Variants in GBP7 observed in about 807,000 individuals in gnomAD.
GBP7 encodes guanylate binding protein 7, also known as guanylate-binding protein 7.
GBP7 carries 43 observed loss-of-function variants against 61.3 expected under a neutral mutation model. The ratio of observed to expected loss-of-function variants is 0.70; its 90% CI spans 0.55 to 0.91. The LOEUF (loss-of-function observed/expected upper bound fraction) is 0.91, where lower values mean the gene tolerates loss of function less well. GBP7 is among the 40% of genes least tolerant of loss of function. The probability of loss-of-function intolerance (pLI) is 0.00; values close to 1 mark genes in which losing one functional copy is unlikely to be tolerated. For missense variants in GBP7, 717 were observed against 740.5 expected (o/e 0.97, Z 0.37); for synonymous variants, 267 against 271.0 (o/e 0.99, Z 0.14).
chr1:89,140,471 G>GA (rs1681912978), intron 9 of GBP7, among the ~76,000 whole-genome samples: 3 of 88,316 alleles, frequency 3.4e-5, no homozygotes, highest in Admixed American at 2.1e-4. Context: ...AAAAAAAAAA[G>GA]AAAAATGCAG....
At chr1:89,150,285 A>G in intron 6 of GBP7, 45 bp downstream of exon 6, 1 of 1,566,972 alleles carries the variant, frequency 6.4e-7, no homozygotes, top group Non-Finnish European at 8.8e-7. Flanking sequence ...AGTTTTTGAG[A>G]TACAGTAGGC....
intron 3 of GBP7, among the ~76,000 whole-genome samples, chr1:89,154,002 G>A (rs1421204788): frequency 6.6e-6 from 1 of 152,196 alleles, no homozygotes; most frequent in South Asian, 2.1e-4. Flanking sequence ...AACTGAATGA[G>A]TGAATAGGTA....
intron 9 of GBP7, among the ~76,000 whole-genome samples, chr1:89,140,399 C>A (rs1681907628): frequency 6.7e-6 from 1 of 149,772 alleles, no homozygotes; most frequent in Non-Finnish European, 1.5e-5. Flanking sequence ...ATGTAACAAA[C>A]CTGCACATTG....
chr1:89,132,503 T>A, intron 10 of GBP7, 100 bp from the exon 11 acceptor site: 1 of 867,536 alleles, frequency 1.2e-6, no homozygotes, highest in Non-Finnish European at 1.8e-6. Context: ...TCCATTTCTC[T>A]AACATCTTAG....
intron 3 of GBP7, among the ~76,000 whole-genome samples, chr1:89,164,165 C>T (rs1437619624): frequency 6.6e-6 from 1 of 152,168 alleles, no homozygotes; most frequent in Admixed American, 6.5e-5. Flanking sequence ...CCACCGTGCC[C>T]GGCTAGCTAG....
At chr1:89,147,452 G>A (rs1243509137) in intron 8 of GBP7, 115 bp downstream of exon 8, 1 of 753,640 alleles carries the variant, frequency 1.3e-6, no homozygotes, top group Admixed American at 2.2e-5. Flanking sequence ...TCAAGGTATT[G>A]CCATGCTTCA....
At chr1:89,151,370 A>G (rs1181189195) in intron 5 of GBP7, among the ~76,000 whole-genome samples, 1 of 152,204 alleles carries the variant, frequency 6.6e-6, no homozygotes, top group Admixed American at 6.5e-5. Flanking sequence ...TACTGTCCCC[A>G]TGTCAGAAAT....
chr1:89,168,781 A>AAACAACAACAACAAC, intron 2 of GBP7, among the ~76,000 whole-genome samples: 1 of 150,064 alleles, frequency 6.7e-6, no homozygotes. Flanking sequence ...CTAAAAATAC[A>AAACAACAACAACAAC]AACAACAACA....
chr1:89,141,839 C>T (rs773865421), intron 8 of GBP7, among the ~76,000 whole-genome samples, 191 bp from the exon 9 acceptor site: 3 of 152,216 alleles, frequency 2.0e-5, no homozygotes, highest in African/African-American at 7.2e-5. Context: ...CATGAAAACC[C>T]TGTGTAGCAG....
rs527691567 is a variant in GBP7 at position 89,139,885 on chromosome 1, G to A, written c.1468+1661C>T. Among the ~76,000 whole-genome samples the A allele has an allele frequency of 4.9e-3, 749 of 152,246 alleles. 4 individuals carry two copies. The highest frequency in any genetic ancestry group is 0.017 in the African/African-American group (687 of 41,540). ...CAACCATTGTGGAAGTCAGTGTGGC[G>A]ATTCCTCAGAGATCTAGAACTAGAA... is the stretch of plus-strand genomic sequence containing the variant. On this transcript the variant is annotated intron_variant, in intron 9 of 10. Coordinates refer to ENST00000294671, the MANE Select transcript of GBP7 (RefSeq NM_207398.3).
intron 9 of GBP7, among the ~76,000 whole-genome samples, chr1:89,134,546 G>A (rs1227649129): frequency 6.6e-6 from 1 of 151,394 alleles, no homozygotes; most frequent in Admixed American, 6.6e-5. Context: ...AGCCTACTAA[G>A]GTTCAAGCCC....
At chr1:89,132,879 A>G (rs144266635) in intron 10 of GBP7, among the ~76,000 whole-genome samples, 157 of 152,340 alleles carry the variant, frequency 1.0e-3, no homozygotes, top group Non-Finnish European at 1.8e-3. Context: ...GTATCATTTC[A>G]TATCAAGCCA....
chr1:89,143,128 T>C (rs1681991402), intron 8 of GBP7, among the ~76,000 whole-genome samples: 1 of 152,144 alleles, frequency 6.6e-6, no homozygotes, highest in Non-Finnish European at 1.5e-5. Flanking sequence ...ATTGATGTTC[T>C]GATTTATACC....
intron 9 of GBP7, among the ~76,000 whole-genome samples, chr1:89,135,117 T>A (rs1485889786): frequency 6.6e-6 from 1 of 151,992 alleles, no homozygotes; most frequent in Non-Finnish European, 1.5e-5. Context: ...AAAAACCCAT[T>A]TTTCAAATCA....
rs1557464464 is a variant in GBP7 at position 89,164,733 on chromosome 1, T to A, written c.316A>T (p.Lys106Ter). 6.2e-7 allele frequency: 1 copy of A among 1,613,570 alleles called. No homozygotes were observed. The highest frequency in any genetic ancestry group is 8.5e-7 in the Non-Finnish European group (1 of 1,179,690). The change falls in exon 3 of 11, where the codon AAG becomes TAG. Residue 106 changes from lysine (K) to a stop codon, truncating the protein, a stop_gained and splice_region_variant. Transcript: ENST00000294671. LOFTEE classifies it high-confidence loss of function. ...LDTEGLGDME[K>*]SDPKSDSWIF... ...ATTTCTCTATGTCTCTTTCTTACCT[T>A]TTCCATATCACCCAGGCCCTCCGTG...
intron 3 of GBP7, among the ~76,000 whole-genome samples, chr1:89,156,921 G>A (rs1021540202): frequency 1.8e-4 from 27 of 152,126 alleles, no homozygotes; most frequent in South Asian, 2.1e-4. Flanking sequence ...GCACCACATC[G>A]CACTTATTCC....
chr1:89,169,764 AT>A (rs1647547577), intron 2 of GBP7, among the ~76,000 whole-genome samples: 1 of 152,220 alleles, frequency 6.6e-6, no homozygotes, highest in Non-Finnish European at 1.5e-5. Flanking sequence ...ACCCAAAGAC[AT>A]TTAGTGTGTA....
At chr1:89,138,060 A>G (rs79189559) in intron 9 of GBP7, among the ~76,000 whole-genome samples, 6,783 of 152,096 alleles carry the variant, frequency 0.045, 480 homozygotes, top group African/African-American at 0.15. Flanking sequence ...AGCTATTGTG[A>G]ATAACCAAGA....
intron 8 of GBP7, 65 bp downstream of exon 8, chr1:89,147,502 G>A: frequency 1.6e-6 from 2 of 1,255,982 alleles, no homozygotes; most frequent in Non-Finnish European, 2.3e-6. Flanking sequence ...TAGATTTTCA[G>A]AAGAGGCAAC....
Sources: allele counts gnomAD v4.1 joint callset (sites outside exome capture counted in the v4.1 genomes callset), GRCh38; gene constraint gnomAD v4.1.1; transcripts MANE v1.5; gene names NCBI Gene and HGNC (gene_info 2026-07-23, HGNC 2026-07-21).